The following URB2 variants were observed in gnomAD, a reference collection of about 807,000 sequenced individuals.
URB2 encodes unhealthy ribosome biogenesis protein 2 homolog.
In URB2, 86 loss-of-function variants were observed where a neutral mutation model predicts 120.9. The observed-to-expected ratio is 0.71, with a 90% CI of 0.60 to 0.85. URB2 has a LOEUF of 0.85. Ranked by LOEUF, URB2 falls within the 40% of genes least tolerant of loss-of-function variation. The pLI is 0.00. For missense variants in URB2, 1,765 were observed against 1,836.5 expected, an observed-to-expected ratio of 0.96 and a Z score of 0.71; for synonymous variants, 755 against 758.4, an observed-to-expected ratio of 1.00 and a Z score of 0.07.
Position 229,637,302 on chromosome 1 carries a change from C to CT in URB2, c.2693dup (p.Leu898PhefsTer71). On this transcript the variant is annotated frameshift_variant, in exon 4 of 10. Transcript: ENST00000258243. LOFTEE classifies it high-confidence loss of function. ...AGAGCAGTTGGAAAGCATCCTGGGG[C>CT]TTTTGGAAGTGATTTCTGCCTTACA... is the stretch of plus-strand genomic sequence containing the variant. 3 of 1,614,200 alleles carry CT rather than the reference C, an allele frequency of 1.9e-6. No homozygotes were observed. The highest frequency in any genetic ancestry group is 2.5e-6 in the Non-Finnish European group (3 of 1,180,026).
chr1:229,653,830 G>T (rs1186153857), intron 8 of URB2, among the ~76,000 whole-genome samples: 1 of 151,704 alleles, frequency 6.6e-6, no homozygotes, highest in Non-Finnish European at 1.5e-5. Context: ...CATAATTTAG[G>T]GTATCTCATT....
intron 3 of URB2, among the ~76,000 whole-genome samples, chr1:229,633,151 T>A (rs1200953922): frequency 6.6e-6 from 1 of 152,190 alleles, no homozygotes; most frequent in Non-Finnish European, 1.5e-5. Flanking sequence ...TGCCTCACCC[T>A]CATGAGTGTG....
chr1:229,628,070 G>A (rs936166034), intron 2 of URB2, among the ~76,000 whole-genome samples: 2 of 145,080 alleles, frequency 1.4e-5, no homozygotes, highest in African/African-American at 5.1e-5. Context: ...ACAACATAAT[G>A]AGATCCCATC....
rs1203913715 is a variant in URB2, at chr1:229,636,138, C to A, written c.1525C>A (p.Gln509Lys). 2.5e-6 allele frequency: 4 copies of A among 1,614,146 alleles called. No individual in the cohort carries two copies. Among genetic ancestry groups the A allele is most frequent in the Non-Finnish European group, 3.4e-6 (4 of 1,180,064 alleles). The change falls in exon 4 of 10, where the codon CAG becomes AAG. Residue 509 changes from glutamine to lysine, a missense_variant. Transcript: ENST00000258243. ...SACLLELPPS[Q>K]ILDTWSLVLE... ...ATGCCTCCTGGAGCTGCCTCCAAGTCAGATCCTGGACACGTGGTCCCTTGT... is the reference window on the plus strand; with the variant it reads ...ATGCCTCCTGGAGCTGCCTCCAAGTAAGATCCTGGACACGTGGTCCCTTGT...
In URB2 at chr1:229,660,103, A is replaced by G. The variant is rs1031338000; in HGVS notation, c.*806A>G. On this transcript the variant is annotated 3_prime_UTR_variant, in exon 10 of 10. Coordinates refer to ENST00000258243, the MANE Select transcript of URB2 (RefSeq NM_014777.4). ...ATAACCTCGGTTGTCACCTTGGAGT[A>G]TCTTGTTGTAGTCCCTTTACTATGT... 2.6e-5 allele frequency: 4 copies of G among 152,254 alleles called. No individual in the cohort carries two copies. Among genetic ancestry groups the G allele is most frequent in the Non-Finnish European group, 5.9e-5 (4 of 68,042 alleles). 9.4% of individuals were successfully genotyped at this position (152,254 alleles called of 1,614,324 possible).
intron 9 of URB2, among the ~76,000 whole-genome samples, chr1:229,654,669 T>C (rs1666366523): frequency 6.6e-6 from 1 of 152,142 alleles, no homozygotes; most frequent in Non-Finnish European, 1.5e-5. Flanking sequence ...ATTTTTAAAT[T>C]TTTGTAGAGA....
chr1:229,651,134 G>A (rs576512799), intron 7 of URB2, 101 bp from the exon 8 acceptor site: 31 of 1,155,340 alleles, frequency 2.7e-5, no homozygotes, highest in East Asian at 8.8e-5. Context: ...TGAGTGTCCC[G>A]ATAGACTAGG....
intron 9 of URB2, among the ~76,000 whole-genome samples, chr1:229,655,172 CAT>C (rs1666378266): frequency 6.6e-6 from 1 of 152,212 alleles, no homozygotes; most frequent in Non-Finnish European, 1.5e-5. Flanking sequence ...TAAGAAAAAA[CAT>C]GTTTGTCCAA....
chr1:229,631,619 A>G (rs949398856), intron 2 of URB2, among the ~76,000 whole-genome samples: 1 of 152,232 alleles, frequency 6.6e-6, no homozygotes, highest in Non-Finnish European at 1.5e-5. Context: ...TAGGAAAGCC[A>G]GAGGAGAAGG....
In URB2 at chr1:229,636,648, C is replaced by A; in HGVS notation, c.2035C>A (p.Leu679Met). The change falls in exon 4 of 10, where the codon CTG becomes ATG. Residue 679 changes from leucine to methionine, a missense_variant. Leu to Met is a conservative substitution (Grantham distance 15). Transcript: ENST00000258243. ...LGTYCLEQLY[L>M]QKMKRTLMQT... is the part of the protein sequence containing the mutation. ...TACATATTGCTTAGAACAGCTGTAC[C>A]TGCAGAAAATGAAAAGGACTTTAAT... 6.2e-7 allele frequency: 1 copy of A among 1,614,216 alleles called. No individual in the cohort carries two copies. Among genetic ancestry groups the A allele is most frequent in the Non-Finnish European group, 8.5e-7 (1 of 1,180,044 alleles).
Position 229,635,889 on chromosome 1 carries a change from G to A in URB2, c.1276G>A (p.Asp426Asn), listed in dbSNP as rs781270491. 4.3e-6 allele frequency: 7 copies of A among 1,614,222 alleles called. No individual in the cohort carries two copies. The highest frequency in any genetic ancestry group is 1.7e-4 in the Middle Eastern group (1 of 6,060). Residue 426 changes from aspartate (D) to asparagine (N), a missense_variant, in exon 4 of 10, where the codon GAC (aspartate) becomes AAC (asparagine). Coordinates refer to ENST00000258243, the MANE Select transcript of URB2 (RefSeq NM_014777.4). ...ISLNHLILEP[D>N]LDDLLASAWI... ...TCTGAATCATTTGATTTTGGAGCCAGACCTGGATGACCTGCTGGCTTCAGC... is the reference window on the plus strand; with the variant it reads ...TCTGAATCATTTGATTTTGGAGCCAAACCTGGATGACCTGCTGGCTTCAGC...
chr1:229,647,552 A>C lies in URB2; in HGVS notation c.3949A>C (p.Thr1317Pro), dbSNP rs1391967266. The C allele has an allele frequency of 1.9e-6, 3 of 1,614,006 alleles. No homozygotes were observed. The African/African-American group carries it at 4.0e-5, about 22-fold the overall frequency. ...TTCTCAGGAGCAGCCTGTGTCCCTC[A>C]CAGTGGTCGGGCCTGTCTTAGATGT... is the stretch of plus-strand genomic sequence containing the variant. ...EASQEQPVSL[T>P]VVGPVLDVLA... The change falls in exon 7 of 10, where the codon ACA becomes CCA. Residue 1317 changes from threonine to proline, a missense_variant. Coordinates refer to ENST00000258243, the MANE Select transcript of URB2 (RefSeq NM_014777.4).
In URB2 at chr1:229,635,208, G is replaced by A. The variant is rs142870295; in HGVS notation, c.595G>A (p.Ala199Thr). 257 of 1,614,232 alleles carry A rather than the reference G, an allele frequency of 1.6e-4. 1 individual carries two copies. In the African/African-American group the frequency reaches 3.3e-3, roughly 20 times the overall value. ...AAGACGTGCCTTTGGGGATGTGACT[G>A]CTCACCTGCTCCAGCCGTGCCTGGT... is the stretch of plus-strand genomic sequence containing the variant. Reference protein sequence around the residue: ...NPRRAFGDVTAHLLQPCLVLR... With the variant: ...NPRRAFGDVTTHLLQPCLVLR... The change falls in exon 4 of 10, where the codon GCT becomes ACT. Residue 199 changes from alanine (A) to threonine (T), a missense_variant. Physicochemically the swap from Ala to Thr is moderately conservative, Grantham distance 58. Coordinates refer to ENST00000258243, the MANE Select transcript of URB2 (RefSeq NM_014777.4).
At chr1:229,631,345 G>A (rs1449123375) in intron 2 of URB2, among the ~76,000 whole-genome samples, 15 of 152,130 alleles carry the variant, frequency 9.9e-5, no homozygotes, top group African/African-American at 2.7e-4. Flanking sequence ...AGCAATAGGC[G>A]GTTTCACTTT....
At chr1:229,631,201 G>A (rs1455641730) in intron 2 of URB2, among the ~76,000 whole-genome samples, 2 of 152,002 alleles carry the variant, frequency 1.3e-5, no homozygotes, top group African/African-American at 2.4e-5. Context: ...CTTTTCCTCC[G>A]CAGCCTCCTT....
At chr1:229,650,633 G>C (rs1048620685) in intron 7 of URB2, among the ~76,000 whole-genome samples, 1 of 152,104 alleles carries the variant, frequency 6.6e-6, no homozygotes, top group African/African-American at 2.4e-5. Context: ...GTTTCACCCT[G>C]TTGGCCAGGC....
intron 7 of URB2, among the ~76,000 whole-genome samples, chr1:229,649,707 A>G (rs1666224746): frequency 6.6e-6 from 1 of 152,176 alleles, no homozygotes; most frequent in Admixed American, 6.5e-5. Flanking sequence ...GGTGCATCTA[A>G]AGGGTATGGT....
chr1:229,647,856 T>C, intron 7 of URB2, 104 bp downstream of exon 7: 1 of 1,486,938 alleles, frequency 6.7e-7, no homozygotes, highest in Non-Finnish European at 8.9e-7. Flanking sequence ...AGGATAATAA[T>C]ACAAATAACG....
At chr1:229,643,343 CTG>C (rs1291256089) in intron 4 of URB2, among the ~76,000 whole-genome samples, 188 bp from the exon 5 acceptor site, 1 of 152,270 alleles carries the variant, frequency 6.6e-6, no homozygotes, top group African/African-American at 2.4e-5. Context: ...ACAGGCGTAG[CTG>C]TGCGTGTGAG....
Sources: allele counts gnomAD v4.1 joint callset (sites outside exome capture counted in the v4.1 genomes callset), GRCh38; gene constraint gnomAD v4.1.1; transcripts MANE v1.5; gene names NCBI Gene and HGNC (gene_info 2026-07-23, HGNC 2026-07-21).